Variants in TTC28 observed in about 807,000 individuals in gnomAD.
TTC28 encodes the protein tetratricopeptide repeat domain 28, also known as tetratricopeptide repeat protein 28.
In TTC28, 61 loss-of-function variants were observed where a neutral mutation model predicts 198.0. The observed-to-expected ratio is 0.31, with a 90% confidence interval of 0.25 to 0.38. TTC28 has a LOEUF of 0.38. Among genes scored for constraint, TTC28 ranks in the 10% least tolerant of loss-of-function variants. The pLI, the probability that TTC28 is intolerant of heterozygous loss-of-function variation, is 1.00. For missense variants in TTC28, 2,678 were observed against 3,164.0 expected (o/e 0.85, Z 3.69); for synonymous variants, 1,171 against 1,297.8 (o/e 0.90, Z 2.10).
chr22:28,596,399 G>T (rs1196173943), intron 2 of TTC28, among the ~76,000 whole-genome samples: 1 of 152,108 alleles, frequency 6.6e-6, no homozygotes, highest in East Asian at 1.9e-4. Context: ...AAAAGAAAAA[G>T]AATTTTATTC....
At position 28,679,706 on chromosome 22, in the gene TTC28, C is replaced by A; in HGVS notation, c.18G>T (p.Pro6=). The A allele has an allele frequency of 8.6e-7, 1 of 1,162,364 alleles. No individual in the cohort carries two copies. Among genetic ancestry groups the A allele is most frequent in the Non-Finnish European group, 1.1e-6 (1 of 925,848 alleles). The allele number at this position is 1,162,364 out of a possible 1,614,324, so 72.0% of individuals were successfully genotyped here. ...GCCCTTGGGTCGGCTCGGGCGCCGGCGGCGGCGACTGCTCCATCCCCACGG... is the reference window on the plus strand; with the variant it reads ...GCCCTTGGGTCGGCTCGGGCGCCGGAGGCGGCGACTGCTCCATCCCCACGG... MEQSP[P]PAPEPTQGPT... Residue 6 remains proline, a synonymous_variant, in exon 1 of 23, where the codon CCG becomes CCT. Coordinates refer to ENST00000397906, the MANE Select transcript of TTC28 (RefSeq NM_001145418.2).
intron 5 of TTC28, among the ~76,000 whole-genome samples, chr22:28,171,436 C>T (rs545106066): frequency 2.8e-4 from 43 of 152,206 alleles, no homozygotes; most frequent in African/African-American, 9.6e-4. Context: ...GGGATGCTGT[C>T]CCTCCTGGAG....
chr22:28,161,551 G>A, intron 6 of TTC28, among the ~76,000 whole-genome samples: 1 of 152,044 alleles, frequency 6.6e-6, no homozygotes, highest in Non-Finnish European at 1.5e-5. Context: ...CTACTCGGGA[G>A]GCTGAGGTGG....
chr22:28,278,581 A>T (rs910125313), intron 5 of TTC28, among the ~76,000 whole-genome samples: 1 of 152,224 alleles, frequency 6.6e-6, no homozygotes, highest in Non-Finnish European at 1.5e-5. Flanking sequence ...GATTTCTATT[A>T]AATTGCATAA....
At chr22:28,495,876 A>G (rs2048447714) in intron 2 of TTC28, among the ~76,000 whole-genome samples, 1 of 152,056 alleles carries the variant, frequency 6.6e-6, no homozygotes, top group East Asian at 1.9e-4. Flanking sequence ...TCTTCCCATC[A>G]TCTCTTAAAC....
intron 2 of TTC28, among the ~76,000 whole-genome samples, chr22:28,613,915 T>C (rs1247387022): frequency 2.0e-5 from 3 of 152,128 alleles, no homozygotes; most frequent in Non-Finnish European, 2.9e-5. Context: ...ACCACTCCTA[T>C]TCAACACAGT....
At chr22:28,262,490 T>C (rs1251061506) in intron 5 of TTC28, among the ~76,000 whole-genome samples, 3 of 152,200 alleles carry the variant, frequency 2.0e-5, no homozygotes, top group Non-Finnish European at 4.4e-5. Flanking sequence ...GATCTTCTCT[T>C]ATTTACATCA....
chr22:28,485,517 A>T (rs2048304781), intron 2 of TTC28, among the ~76,000 whole-genome samples: 1 of 152,134 alleles, frequency 6.6e-6, no homozygotes, highest in African/African-American at 2.4e-5. Flanking sequence ...CCAATTCTCC[A>T]TGCCCTCACC....
chr22:28,480,624 T>C (rs972938771), intron 2 of TTC28, among the ~76,000 whole-genome samples: 3 of 152,160 alleles, frequency 2.0e-5, no homozygotes, highest in Non-Finnish European at 4.4e-5. Context: ...TGCATACATA[T>C]GTAAGAACCA....
At chr22:28,113,745 AAAC>A (rs1257173655) in intron 6 of TTC28, among the ~76,000 whole-genome samples, 10 of 152,364 alleles carry the variant, frequency 6.6e-5, no homozygotes, top group Non-Finnish European at 1.3e-4. Context: ...AAAATAGATG[AAAC>A]AAGATTAGCA....
chr22:28,548,938 T>C (rs1196214010), intron 2 of TTC28, among the ~76,000 whole-genome samples: 2 of 152,200 alleles, frequency 1.3e-5, no homozygotes. Flanking sequence ...CTACAGTAAG[T>C]TTTGTTAATA....
intron 2 of TTC28, among the ~76,000 whole-genome samples, chr22:28,509,389 C>G (rs1005849616): frequency 6.6e-6 from 1 of 152,092 alleles, no homozygotes; most frequent in Non-Finnish European, 1.5e-5. Flanking sequence ...CACTCATAAC[C>G]ATACAACTAC....
chr22:27,995,016 TACTG>T (rs774699079), intron 17 of TTC28, among the ~76,000 whole-genome samples: 3 of 152,172 alleles, frequency 2.0e-5, no homozygotes, highest in Non-Finnish European at 2.9e-5. Flanking sequence ...AGTGTTCACA[TACTG>T]ACTACTTTCA....
Position 28,163,076 on chromosome 22 carries a change from G to T in TTC28, c.1441+16C>A, listed in dbSNP as rs756840210. ...ATGACTTTGACCTGGGCTCTTACAGGCAACCCTGTTCTTACCTAGATTGGA... is the reference window on the plus strand; with the variant it reads ...ATGACTTTGACCTGGGCTCTTACAGTCAACCCTGTTCTTACCTAGATTGGA... On this transcript the variant is annotated intron_variant, in intron 6 of 22. Coordinates refer to ENST00000397906, the MANE Select transcript of TTC28 (RefSeq NM_001145418.2). 6.5e-7 allele frequency: 1 copy of T among 1,527,104 alleles called. No homozygotes were observed. Among genetic ancestry groups the T allele is most frequent in the Middle Eastern group, 1.8e-4 (1 of 5,544 alleles). 94.6% of individuals were successfully genotyped at this position (1,527,104 alleles called of 1,614,324 possible).
chr22:28,525,324 T>A (rs995792039), intron 2 of TTC28, among the ~76,000 whole-genome samples: 10 of 152,112 alleles, frequency 6.6e-5, no homozygotes, highest in Admixed American at 2.6e-4. Context: ...GGCTAACTTT[T>A]ATATTATTTT....
intron 12 of TTC28, among the ~76,000 whole-genome samples, chr22:28,086,581 C>T (rs910581753): frequency 2.6e-5 from 4 of 152,190 alleles, no homozygotes; most frequent in African/African-American, 9.6e-5. Flanking sequence ...AAAATTGACA[C>T]CCTAACATCA....
At chr22:28,184,512 C>A (rs1357398812) in intron 5 of TTC28, among the ~76,000 whole-genome samples, 3 of 152,038 alleles carry the variant, frequency 2.0e-5, no homozygotes, top group East Asian at 3.8e-4. Context: ...TAAAACAGAA[C>A]ATAATATGTT....
chr22:28,062,157 G>A (rs988368504), intron 12 of TTC28, among the ~76,000 whole-genome samples: 4 of 151,998 alleles, frequency 2.6e-5, no homozygotes, highest in African/African-American at 9.7e-5. Context: ...CTGGATTCAA[G>A]TGAGATTCTC....
chr22:28,526,153 C>T (rs1188241025), intron 2 of TTC28, among the ~76,000 whole-genome samples: 3 of 152,098 alleles, frequency 2.0e-5, no homozygotes. Flanking sequence ...AAAATAAGAA[C>T]CTCTTCAAAC....
Sources: gnomAD v4.1 joint callset for allele counts (sites outside exome capture counted in the v4.1 genomes callset) on GRCh38, gnomAD v4.1.1 for gene constraint, MANE v1.5 for transcripts, NCBI Gene and HGNC (gene_info 2026-07-23, HGNC 2026-07-21) for gene names.